LYPLA1: variants seen among roughly 807,000 people sequenced by gnomAD.
LYPLA1 encodes lysophospholipase 1.
LYPLA1 carries 17 observed loss-of-function variants against 34.0 expected under a neutral mutation model. The ratio of observed to expected loss-of-function variants is 0.50; its 90% CI spans 0.34 to 0.75. The LOEUF (loss-of-function observed/expected upper bound fraction) is 0.75. Among genes scored for constraint, LYPLA1 ranks in the 30% least tolerant of loss-of-function variants. The probability of loss-of-function intolerance (pLI) is 0.01; values close to 1 mark genes in which losing one functional copy is unlikely to be tolerated. For synonymous variants in LYPLA1, 98 were observed against 100.8 expected (o/e 0.97, Z 0.17); for missense variants, 203 against 288.8 (o/e 0.70, Z 2.15).
chr8:54,094,691 T>C (rs1563671333), intron 2 of LYPLA1, among the ~76,000 whole-genome samples: 1 of 152,126 alleles, frequency 6.6e-6, no homozygotes, highest in African/African-American at 2.4e-5. Context: ...ACCAGGGTTC[T>C]TGGAAAAATG....
At chr8:54,092,372 G>A (rs1809365196) in intron 2 of LYPLA1, among the ~76,000 whole-genome samples, 1 of 151,960 alleles carries the variant, frequency 6.6e-6, no homozygotes, top group Non-Finnish European at 1.5e-5. Context: ...GAAGGAAGAG[G>A]AGGAAGAAAG....
rs575410274 is a variant in LYPLA1 at position 54,100,669 on chromosome 8, G to A, written c.101+239C>T. 2.6e-4 allele frequency: 130 copies of A among 497,084 alleles called. 1 individual carries two copies. The highest frequency in any genetic ancestry group is 2.2e-3 in the African/African-American group (110 of 50,264). The allele number at this position is 497,084 out of a possible 1,614,324, so 30.8% of individuals were successfully genotyped here. The stretch of plus-strand genomic sequence containing the variant: ...GTATCCAATACCCAAAGCAACTAAT[G>A]AGGAATTTGAAATTTTAATATGTTC... On this transcript the variant is annotated intron_variant, in intron 2 of 8. Coordinates refer to ENST00000316963, the MANE Select transcript of LYPLA1 (RefSeq NM_006330.4).
At chr8:54,074,460 T>C (rs1255933446) in intron 2 of LYPLA1, among the ~76,000 whole-genome samples, 1 of 152,256 alleles carries the variant, frequency 6.6e-6, no homozygotes, top group Non-Finnish European at 1.5e-5. Flanking sequence ...TGACTTTATT[T>C]ACTCAACTGC....
At chr8:54,093,703 T>G (rs1433657193) in intron 2 of LYPLA1, among the ~76,000 whole-genome samples, 1 of 152,238 alleles carries the variant, frequency 6.6e-6, no homozygotes, top group Admixed American at 6.5e-5. Context: ...TATTCATTTA[T>G]TTGTCCAACA....
intron 1 of LYPLA1, 132 bp downstream of exon 1, chr8:54,101,623 C>T: frequency 1.7e-6 from 2 of 1,148,534 alleles, no homozygotes; most frequent in Non-Finnish European, 2.2e-6. Context: ...GGACCATTCG[C>T]ACCCCACCCG....
chr8:54,062,443 T>C, intron 4 of LYPLA1, 119 bp from the exon 5 acceptor site: 1 of 325,438 alleles, frequency 3.1e-6, no homozygotes, highest in Non-Finnish European at 4.9e-6. Flanking sequence ...TTTTATTTTA[T>C]TTAATTTATC....
intron 2 of LYPLA1, among the ~76,000 whole-genome samples, chr8:54,097,359 C>T (rs1249460159): frequency 6.6e-6 from 1 of 152,136 alleles, no homozygotes; most frequent in Non-Finnish European, 1.5e-5. Context: ...AAGGACTAGC[C>T]TGTTCTCTGC....
Position 54,047,441 on chromosome 8 carries a change from T to C in LYPLA1, c.*624A>G, listed in dbSNP as rs1805548218. 1 of 151,578 alleles carries C rather than the reference T, an allele frequency of 6.6e-6. No homozygotes were observed. Among genetic ancestry groups the C allele is most frequent in the Admixed American group, 6.6e-5 (1 of 15,228 alleles). 9.4% of individuals were successfully genotyped at this position (151,578 alleles called of 1,614,324 possible). On this transcript the variant is annotated 3_prime_UTR_variant, in exon 9 of 9. Transcript: ENST00000316963. ...GAGAGAAAAGAGTATTAAATAGAAA[T>C]AATATCAGGGAAAATAAAAGCCTGG...
At chr8:54,061,161 A>C (rs779329396) in intron 5 of LYPLA1, among the ~76,000 whole-genome samples, 1 of 149,960 alleles carries the variant, frequency 6.7e-6, no homozygotes, top group Non-Finnish European at 1.5e-5. Context: ...GCTCACTGAA[A>C]CCTCTGCCTC....
chr8:54,082,822 G>A (rs556086538), intron 2 of LYPLA1, among the ~76,000 whole-genome samples: 1 of 151,036 alleles, frequency 6.6e-6, no homozygotes, highest in African/African-American at 2.4e-5. Context: ...CGCCTCCCAG[G>A]TTCACGCCAT....
rs974667188 is a variant in LYPLA1, at chr8:54,100,896, A to C, written c.101+12T>G. 1 of 1,604,648 alleles carries C rather than the reference A, an allele frequency of 6.2e-7. No homozygotes were observed. The highest frequency in any genetic ancestry group is 8.5e-7 in the Non-Finnish European group (1 of 1,171,826). ...TTTCATTACTGTTACTATTAATAAT[A>C]ATGGTACCTACCCAGTATCTCCCAA... On this transcript the variant is annotated intron_variant, in intron 2 of 8. Transcript: ENST00000316963.
chr8:54,074,018 TA>T (rs1333920165), intron 2 of LYPLA1, among the ~76,000 whole-genome samples: 11 of 152,336 alleles, frequency 7.2e-5, no homozygotes, highest in Admixed American at 7.2e-4. Flanking sequence ...CTCATGCTTG[TA>T]ATCCCAGCAC....
At chr8:54,067,999 C>T (rs1807200093) in intron 2 of LYPLA1, among the ~76,000 whole-genome samples, 2 of 152,106 alleles carry the variant, frequency 1.3e-5, no homozygotes, top group South Asian at 2.1e-4. Flanking sequence ...CTGTTAAATA[C>T]TTTTCTATTA....
intron 2 of LYPLA1, among the ~76,000 whole-genome samples, chr8:54,097,138 A>G (rs2129372461): frequency 6.6e-6 from 1 of 152,332 alleles, no homozygotes; most frequent in South Asian, 2.1e-4. Context: ...ATCCCCCCGC[A>G]ACTTGCTTTT....
At chr8:54,081,064 A>C (rs1808280765) in intron 2 of LYPLA1, among the ~76,000 whole-genome samples, 1 of 152,196 alleles carries the variant, frequency 6.6e-6, no homozygotes, top group Non-Finnish European at 1.5e-5. Context: ...AAAGTACAAC[A>C]GCTTTAAGGT....
At chr8:54,082,827 C>T (rs976324849) in intron 2 of LYPLA1, among the ~76,000 whole-genome samples, 34 of 152,104 alleles carry the variant, frequency 2.2e-4, no homozygotes, top group Non-Finnish European at 4.0e-4. Flanking sequence ...CCCAGGTTCA[C>T]GCCATTCTCC....
At chr8:54,084,250 A>G (rs1808541553) in intron 2 of LYPLA1, among the ~76,000 whole-genome samples, 1 of 150,488 alleles carries the variant, frequency 6.6e-6, no homozygotes, top group African/African-American at 2.5e-5. Flanking sequence ...AACAGAAAGA[A>G]GAAAATAATA....
intron 2 of LYPLA1, among the ~76,000 whole-genome samples, chr8:54,079,557 G>A (rs758991790): frequency 5.3e-5 from 8 of 152,098 alleles, no homozygotes; most frequent in Non-Finnish European, 1.0e-4. Flanking sequence ...GACCCCAGCA[G>A]TTTGGGAGGC....
chr8:54,044,576 T>TG (rs1017846323), downstream of LYPLA1, among the ~76,000 whole-genome samples: 5 of 151,738 alleles, frequency 3.3e-5, no homozygotes, highest in Non-Finnish European at 5.9e-5. Flanking sequence ...TTCCCTATGC[T>TG]GGGGGGTGAC....
Sources: allele counts gnomAD v4.1 joint callset (sites outside exome capture counted in the v4.1 genomes callset), GRCh38; gene constraint gnomAD v4.1.1; transcripts MANE v1.5; gene names NCBI Gene and HGNC (gene_info 2026-07-23, HGNC 2026-07-21).